Variants in CD8B observed in about 807,000 individuals in gnomAD.
CD8B encodes T-cell surface glycoprotein CD8 beta chain.
A neutral mutation model predicts 24.2 loss-of-function variants in CD8B; 6 were observed. That is an observed-to-expected ratio of 0.25 (90% CI 0.14 to 0.49). The LOEUF is 0.49. Among genes scored for constraint, CD8B ranks in the 20% least tolerant of loss-of-function variants. The pLI, the probability that CD8B is intolerant of heterozygous loss-of-function variation, is 0.98. For synonymous variants in CD8B, 84 were observed against 108.3 expected (o/e 0.78, Z 1.39); for missense variants, 196 against 271.3 (o/e 0.72, Z 1.95).
At chr2:86,861,618 T>C (rs1676597169) in intron 1 of CD8B, among the ~76,000 whole-genome samples, 1 of 152,178 alleles carries the variant, frequency 6.6e-6, no homozygotes, top group Non-Finnish European at 1.5e-5. Context: ...CCAGGGGCTC[T>C]CCGGTCCCCC....
At chr2:86,834,330 A>T (rs929135278), downstream of CD8B, among the ~76,000 whole-genome samples, 4 of 151,974 alleles carry the variant, frequency 2.6e-5, no homozygotes, top group Non-Finnish European at 4.4e-5. Flanking sequence ...TGACATTTGT[A>T]TGCAAATGAC....
At chr2:86,826,304 C>G (rs1041886521) in intron 5 of CD8B, among the ~76,000 whole-genome samples, 12 of 152,046 alleles carry the variant, frequency 7.9e-5, no homozygotes, top group Non-Finnish European at 1.5e-4. Flanking sequence ...AGCAATAATG[C>G]CCACGAGCTC....
Position 86,839,350 on chromosome 2 carries a change from A to C in CD8B, c.*2957T>G, listed in dbSNP as rs1675312621. Among the ~76,000 whole-genome samples the C allele has an allele frequency of 1.3e-5, 2 of 152,220 alleles. No individual in the cohort carries two copies. The highest frequency in any genetic ancestry group is 1.3e-4 in the Admixed American group (2 of 15,274). On this transcript the variant is annotated 3_prime_UTR_variant, in exon 6 of 6. Coordinates refer to ENST00000390655, the MANE Select transcript of CD8B (RefSeq NM_004931.5). ...TTTTTAGCTAGTAAGCAACACTAGA[A>C]GGAACAATCTGATGCGTATTTCTTT... is the stretch of plus-strand genomic sequence containing the variant.
intron 5 of CD8B, among the ~76,000 whole-genome samples, chr2:86,825,557 C>T (rs1573490707): frequency 6.6e-6 from 1 of 152,304 alleles, no homozygotes; most frequent in East Asian, 1.9e-4. Context: ...CAACGGCTGC[C>T]CTGGCAGGCA....
chr2:86,824,056 G>A (rs1674584148), intron 5 of CD8B, among the ~76,000 whole-genome samples: 1 of 151,222 alleles, frequency 6.6e-6, no homozygotes, highest in Non-Finnish European at 1.5e-5. Context: ...ACTGGGGAGA[G>A]CTGGAGTGCA....
chr2:86,825,970 C>T (rs536382546), intron 5 of CD8B, among the ~76,000 whole-genome samples: 4 of 152,154 alleles, frequency 2.6e-5, no homozygotes, highest in South Asian at 2.1e-4. Flanking sequence ...TGCAGACCTC[C>T]GCCACTGGAG....
intron 3 of CD8B, among the ~76,000 whole-genome samples, chr2:86,847,604 C>T (rs532268524): frequency 5.9e-5 from 9 of 152,322 alleles, no homozygotes; most frequent in South Asian, 2.1e-4. Context: ...CTCGCTCTGT[C>T]GCCCAGGCTG....
intron 5 of CD8B, among the ~76,000 whole-genome samples, chr2:86,826,249 T>G (rs1208447773): frequency 6.6e-6 from 1 of 151,938 alleles, no homozygotes; most frequent in African/African-American, 2.4e-5. Flanking sequence ...ACCCCTGCCT[T>G]TTGTTTAGCC....
chr2:86,825,114 A>G (rs981599493), intron 5 of CD8B, among the ~76,000 whole-genome samples: 2 of 152,142 alleles, frequency 1.3e-5, no homozygotes, highest in Non-Finnish European at 2.9e-5. Context: ...GGAGGCTGGG[A>G]AAAGAGCAGG....
At chr2:86,832,384 G>A (rs928744065) in intron 5 of CD8B, among the ~76,000 whole-genome samples, 1 of 151,930 alleles carries the variant, frequency 6.6e-6, no homozygotes, top group East Asian at 1.9e-4. Context: ...AGGCTGAGGC[G>A]GGAGAATCGC....
chr2:86,851,155 C>T (rs1469843736), intron 3 of CD8B, among the ~76,000 whole-genome samples: 1 of 151,648 alleles, frequency 6.6e-6, no homozygotes, highest in Non-Finnish European at 1.5e-5. Flanking sequence ...TTTGTTTTTG[C>T]CATCATTTAT....
At chr2:86,854,044 C>A (rs985726715) in intron 2 of CD8B, among the ~76,000 whole-genome samples, 19 of 152,254 alleles carry the variant, frequency 1.2e-4, no homozygotes, top group African/African-American at 4.6e-4. Flanking sequence ...CCCGGCCGAC[C>A]TACACCCCTG....
At chr2:86,831,006 TA>T (rs1674886840) in intron 5 of CD8B, among the ~76,000 whole-genome samples, 1 of 152,208 alleles carries the variant, frequency 6.6e-6, no homozygotes, top group East Asian at 1.9e-4. Context: ...TATGAAGGGC[TA>T]AAACTCCATT....
chr2:86,837,557 T>G (rs542855080), downstream of CD8B, among the ~76,000 whole-genome samples: 109 of 151,766 alleles, frequency 7.2e-4, no homozygotes, highest in Non-Finnish European at 1.5e-3. Flanking sequence ...ACAGGGCTCT[T>G]TCTGTCTTTC....
At chr2:86,847,620 C>T (rs1210368876) in intron 3 of CD8B, among the ~76,000 whole-genome samples, 5 of 152,248 alleles carry the variant, frequency 3.3e-5, no homozygotes, top group Admixed American at 6.5e-5. Flanking sequence ...GGCTGGAGTG[C>T]AGTGGCGCAA....
chr2:86,819,419 C>G (rs953638216), intron 5 of CD8B, among the ~76,000 whole-genome samples: 1 of 152,200 alleles, frequency 6.6e-6, no homozygotes, highest in African/African-American at 2.4e-5. Flanking sequence ...GCTAATGCAG[C>G]TGGTGACTTT....
At chr2:86,861,135 G>T (rs563316219) in intron 1 of CD8B, among the ~76,000 whole-genome samples, 1 of 152,294 alleles carries the variant, frequency 6.6e-6, no homozygotes, top group African/African-American at 2.4e-5. Flanking sequence ...TTTTGGGCAC[G>T]AGAGCAAATC....
intron 2 of CD8B, among the ~76,000 whole-genome samples, chr2:86,854,803 A>T (rs1163110566): frequency 7.2e-6 from 1 of 139,026 alleles, no homozygotes; most frequent in African/African-American, 2.5e-5. Context: ...AGTCAGGGGG[A>T]CAGAAAAAAA....
intron 5 of CD8B, among the ~76,000 whole-genome samples, chr2:86,825,315 G>A (rs534958033): frequency 3.7e-4 from 57 of 152,278 alleles, no homozygotes; most frequent in Admixed American, 3.5e-3. Flanking sequence ...CCTACTGGGG[G>A]GCTATGGGGG....
Sources: allele counts gnomAD v4.1 joint callset (sites outside exome capture counted in the v4.1 genomes callset), GRCh38; gene constraint gnomAD v4.1.1; transcripts MANE v1.5; gene names NCBI Gene and HGNC (gene_info 2026-07-23, HGNC 2026-07-21).